Variants in MYH16 observed in about 807,000 individuals in gnomAD.
MYH16 encodes the protein putative uncharacterized protein MYH16.
chr7:99,277,045 GAGAGAGAGAGACAC>G lies in MYH16; in HGVS notation n.2486-482_2486-469del, dbSNP rs914070510. Among the ~76,000 whole-genome samples, 112 of 101,772 alleles carry G rather than the reference GAGAGAGAGAGACAC, an allele frequency of 1.1e-3. No individual in the cohort carries two copies. In the African/African-American group the frequency reaches 0.02, roughly 19 times the overall value. 66.8% of individuals were successfully genotyped at this position (101,772 alleles called of 152,430 possible). ...AGGAATGGCATGAGAGAGACACAGA[GAGAGAGAGAGACAC>G]AGAGAGAGAGAGAGAAACAGTGGGC... On this transcript the variant is annotated intron_variant and non_coding_transcript_variant, in intron 20 of 41. Coordinates refer to ENST00000439784, the Ensembl canonical transcript of MYH16.
intron 29 of MYH16, among the ~76,000 whole-genome samples, chr7:99,288,396 C>G (rs1792316538): frequency 6.6e-6 from 1 of 152,056 alleles, no homozygotes; most frequent in South Asian, 2.1e-4. Context: ...TATGACTGCA[C>G]CACTGCACTC....
At chr7:99,290,409 C>T (rs945517109) in intron 30 of MYH16, among the ~76,000 whole-genome samples, 1 of 150,828 alleles carries the variant, frequency 6.6e-6, no homozygotes, top group Non-Finnish European at 1.5e-5. Flanking sequence ...ATTGCTTGAG[C>T]CCAGGAGTTC....
intron 20 of MYH16, among the ~76,000 whole-genome samples, chr7:99,274,738 A>G (rs563238346): frequency 3.4e-5 from 5 of 148,422 alleles, no homozygotes; most frequent in African/African-American, 1.3e-4. Context: ...CAGGGGCACA[A>G]TCTCAGCTCA....
intron 1 of MYH16, among the ~76,000 whole-genome samples, chr7:99,239,351 G>C (rs897469253): frequency 1.3e-5 from 2 of 152,240 alleles, no homozygotes; most frequent in African/African-American, 4.8e-5. Flanking sequence ...CAGCTCTCAA[G>C]TGGAAGCTAT....
chr7:99,271,487 C>G (rs976655686), intron 19 of MYH16, among the ~76,000 whole-genome samples: 3 of 152,040 alleles, frequency 2.0e-5, no homozygotes, highest in Admixed American at 6.6e-5. Context: ...CCAGCCTGGG[C>G]GACAGAAGCA....
chr7:99,297,598 CGGT>C (rs1792519969), intron 34 of MYH16, 59 bp from the exon 16 acceptor site: 1 of 423,078 alleles, frequency 2.4e-6, no homozygotes, highest in Non-Finnish European at 4.7e-6. Flanking sequence ...GGAGGAATGA[CGGT>C]GCCACCTGCC....
At chr7:99,299,632 T>C (rs1013525961) in exon 37 of MYH16, 3 of 153,390 alleles carry the variant, frequency 2.0e-5, no homozygotes, top group African/African-American at 4.8e-5. Context: ...TGTAAAGACA[T>C]TGAAAAGGCT....
At chr7:99,266,101 A>G (rs1006582922) in intron 17 of MYH16, among the ~76,000 whole-genome samples, 1 of 152,086 alleles carries the variant, frequency 6.6e-6, no homozygotes, top group Non-Finnish European at 1.5e-5. Context: ...GTGTTGGTAA[A>G]TGTTAAACAA....
At chr7:99,285,552 T>C in intron 27 of MYH16, 114 bp downstream of exon 9, 1 of 416,414 alleles carries the variant, frequency 2.4e-6, no homozygotes, top group Non-Finnish European at 4.8e-6. Flanking sequence ...GGTGTCCAGC[T>C]AAAAAGTCTA....
chr7:99,306,373 C>T (rs1022243700), intron 41 of MYH16, among the ~76,000 whole-genome samples: 3 of 151,948 alleles, frequency 2.0e-5, no homozygotes, highest in South Asian at 4.2e-4. Flanking sequence ...ACTGAAAATA[C>T]AAAAATTAGT....
At position 99,284,774 on chromosome 7, in the gene MYH16, C is replaced by T. The variant is rs575442352; in HGVS notation, n.3226-71C>T. The T allele has an allele frequency of 2.2e-3, 974 of 450,480 alleles. 10 individuals carry two copies. The highest frequency in any genetic ancestry group is 0.015 in the Middle Eastern group (36 of 2,410). The allele number at this position is 450,480 out of a possible 1,614,324, so 27.9% of individuals were successfully genotyped here. On this transcript the variant is annotated intron_variant and non_coding_transcript_variant, in intron 25 of 41. Coordinates refer to ENST00000439784, the Ensembl canonical transcript of MYH16. Reference sequence around the variant, plus strand: ...TCAAGGCCTCCTCTGGCAGCCCAGGCGACATTCCCTCGCCAGCTTGCTGGT... The same window carrying T: ...TCAAGGCCTCCTCTGGCAGCCCAGGTGACATTCCCTCGCCAGCTTGCTGGT...
chr7:99,279,441 G>A (rs1476640530), intron 21 of MYH16, 69 bp from the exon 4 acceptor site: 5 of 436,574 alleles, frequency 1.1e-5, no homozygotes, highest in Non-Finnish European at 2.3e-5. Context: ...TCAGCTCAAG[G>A]CTTGTCCAGC....
At chr7:99,258,345 GTTC>G (rs1406848100) in exon 11 of MYH16, 1 of 156,020 alleles carries the variant, frequency 6.4e-6, no homozygotes, top group Non-Finnish European at 1.5e-5. Flanking sequence ...TGCAGAGGCA[GTTC>G]TTCATTGGAG....
At chr7:99,254,098 A>C (rs1791844061) in intron 8 of MYH16, 1 of 152,158 alleles carries the variant, frequency 6.6e-6, no homozygotes, top group Non-Finnish European at 1.5e-5. Flanking sequence ...AATACAAAAA[A>C]ATTAGCCAGG....
chr7:99,247,651 G>C (rs1157463738), exon 3 of MYH16: 2 of 189,538 alleles, frequency 1.1e-5, no homozygotes, highest in South Asian at 2.4e-4. Flanking sequence ...GCCCATCTAC[G>C]GGGCCCGTGT....
At chr7:99,245,060 C>A (rs1394098324) in intron 2 of MYH16, among the ~76,000 whole-genome samples, 1 of 152,200 alleles carries the variant, frequency 6.6e-6, no homozygotes, top group Non-Finnish European at 1.5e-5. Flanking sequence ...TTCCTCCTGA[C>A]CACAGCAGGG....
chr7:99,310,682 C>A (rs1255291769), downstream of MYH16: 1 of 152,258 alleles, frequency 6.6e-6, no homozygotes, highest in South Asian at 2.1e-4. Flanking sequence ...GCTCCCAGCT[C>A]TGACCCACAT....
chr7:99,264,984 G>A (rs1791972815), intron 15 of MYH16: 1 of 152,636 alleles, frequency 6.6e-6, no homozygotes, highest in South Asian at 2.1e-4. Flanking sequence ...AACCACATGT[G>A]GCTGAGTTTT....
intron 23 of MYH16, among the ~76,000 whole-genome samples, chr7:99,283,317 G>A (rs914134584): frequency 4.6e-5 from 7 of 151,916 alleles, no homozygotes; most frequent in Non-Finnish European, 7.4e-5. Flanking sequence ...GCAGTGGTAC[G>A]ATCATAGCTC....
Sources: allele counts gnomAD v4.1 joint callset (sites outside exome capture counted in the v4.1 genomes callset), GRCh38; gene constraint gnomAD v4.1.1; transcripts MANE v1.5; gene names NCBI Gene and HGNC (gene_info 2026-07-23, HGNC 2026-07-21).